The following ACSM4 variants were observed in gnomAD, a reference collection of about 807,000 sequenced individuals.
ACSM4 encodes acyl-CoA synthetase medium chain family member 4, also known as acyl-coenzyme A synthetase ACSM4, mitochondrial.
Under a neutral mutation model 73.0 loss-of-function variants are expected in ACSM4, and 66 were observed. That is an observed-to-expected ratio of 0.90 (90% confidence interval 0.74 to 1.11). The LOEUF (loss-of-function observed/expected upper bound fraction) is 1.11, where lower values mean the gene tolerates loss of function less well. Ranked by LOEUF, ACSM4 falls within the 50% of genes least tolerant of loss-of-function variation. The pLI is 0.00. For synonymous variants in ACSM4, 222 were observed against 254.0 expected (o/e 0.87, Z 1.20); for missense variants, 645 against 714.4 (o/e 0.90, Z 1.11).
chr12:7,323,172 C>T, intron 7 of ACSM4, 62 bp from the exon 8 acceptor site: 1 of 1,428,410 alleles, frequency 7.0e-7, no homozygotes, highest in East Asian at 2.5e-5. Flanking sequence ...ATTTTCATTG[C>T]CATGATATAG....
intron 5 of ACSM4, among the ~76,000 whole-genome samples, chr12:7,319,219 A>G (rs1393058583): frequency 6.6e-6 from 1 of 152,116 alleles, no homozygotes; most frequent in Non-Finnish European, 1.5e-5. Context: ...TGCACAGTTC[A>G]CAATAGGGTT....
At chr12:7,311,572 T>C (rs1160306124) in intron 3 of ACSM4, among the ~76,000 whole-genome samples, 1 of 152,248 alleles carries the variant, frequency 6.6e-6, no homozygotes, top group East Asian at 1.9e-4. Flanking sequence ...CGTCACCACC[T>C]GAATTATCAT....
At chr12:7,306,068 G>A (rs890652250) in intron 1 of ACSM4, among the ~76,000 whole-genome samples, 7 of 152,130 alleles carry the variant, frequency 4.6e-5, no homozygotes, top group Admixed American at 3.3e-4. Context: ...TTATTTGGAT[G>A]GGAAAGAATC....
At chr12:7,310,361 T>C (rs1946383293) in intron 2 of ACSM4, among the ~76,000 whole-genome samples, 178 bp from the exon 3 acceptor site, 1 of 152,194 alleles carries the variant, frequency 6.6e-6, no homozygotes, top group Non-Finnish European at 1.5e-5. Flanking sequence ...CTGAAGCTAG[T>C]GCTCCAAGGG....
intron 5 of ACSM4, 139 bp downstream of exon 5, chr12:7,318,321 G>C (rs949491366): frequency 9.0e-7 from 1 of 1,112,858 alleles, no homozygotes; most frequent in Middle Eastern, 3.1e-4. Flanking sequence ...AAGTCTCAAG[G>C]GCCTCAGCTT....
intron 3 of ACSM4, among the ~76,000 whole-genome samples, chr12:7,314,749 C>G (rs1946409911): frequency 6.6e-6 from 1 of 152,176 alleles, no homozygotes. Flanking sequence ...TGAAGAAATA[C>G]CCCTCTGTAG....
At chr12:7,306,301 A>G (rs746963909) in intron 1 of ACSM4, among the ~76,000 whole-genome samples, 1 of 152,176 alleles carries the variant, frequency 6.6e-6, no homozygotes, top group Admixed American at 6.5e-5. Context: ...GATTGGCCCA[A>G]CTTTGGTCAA....
intron 9 of ACSM4, 88 bp from the exon 10 acceptor site, chr12:7,324,185 G>T: frequency 6.8e-7 from 1 of 1,472,296 alleles, no homozygotes; most frequent in East Asian, 2.4e-5. Context: ...ATATAAGTAG[G>T]ATGTGTAATG....
intron 2 of ACSM4, among the ~76,000 whole-genome samples, chr12:7,309,474 C>T (rs1331377875): frequency 6.6e-6 from 1 of 152,178 alleles, no homozygotes; most frequent in Non-Finnish European, 1.5e-5. Context: ...TGCACTAATA[C>T]AGTATGCATA....
chr12:7,328,210 T>C lies in ACSM4; in HGVS notation c.1657-77T>C, dbSNP rs1156377544. 1.1e-5 allele frequency: 13 copies of C among 1,141,730 alleles called. No homozygotes were observed. The South Asian group carries it at 1.4e-4, about 12-fold the overall frequency. The allele number at this position is 1,141,730 out of a possible 1,614,324, so 70.7% of individuals were successfully genotyped here. A position where few individuals can be genotyped will look rare whatever the true frequency, so the allele number is the denominator to read the frequency against. On this transcript the variant is annotated intron_variant, in intron 12 of 12. Coordinates refer to ENST00000399422, the MANE Select transcript of ACSM4 (RefSeq NM_001080454.2). ...ACTTTAAAATTCAGTCTGAGTTCCA[T>C]GCAAGCTCCTTCCTATCGCACGGAC...
intron 4 of ACSM4, among the ~76,000 whole-genome samples, 198 bp from the exon 5 acceptor site, chr12:7,317,828 G>C (rs1946432771): frequency 6.6e-6 from 1 of 152,094 alleles, no homozygotes; most frequent in Admixed American, 6.6e-5. Context: ...GCCTCCCACT[G>C]TACTCTCAGA....
intron 11 of ACSM4, 75 bp downstream of exon 11, chr12:7,324,673 A>G (rs1025735599): frequency 6.7e-6 from 10 of 1,483,984 alleles, no homozygotes; most frequent in Non-Finnish European, 8.4e-6. Context: ...GTAAAGGCTG[A>G]ACCAAGAGAG....
rs564555271 is a variant in ACSM4, at chr12:7,315,754, A to G, written c.621-1383A>G. 5.1e-4 allele frequency among the ~76,000 whole-genome samples: 77 copies of G among 152,316 alleles called. No homozygotes were observed. In the South Asian group the frequency reaches 7.5e-3, roughly 15 times the overall value. On this transcript the variant is annotated intron_variant, in intron 3 of 12. Coordinates refer to ENST00000399422, the MANE Select transcript of ACSM4 (RefSeq NM_001080454.2). ...ACAGTAGTTATTTTATTTGCTCATG[A>G]GTCCATGGGTCAGAAATTCGCACAG...
At position 7,323,537 on chromosome 12, in the gene ACSM4, T is replaced by C; in HGVS notation, c.1285T>C (p.Phe429Leu). Residue 429 changes from phenylalanine (F) to leucine (L), a missense_variant, in exon 9 of 13, where the codon TTC (phenylalanine) becomes CTC (leucine). Physicochemically the swap from Phe to Leu is conservative, Grantham distance 22. Coordinates refer to ENST00000399422, the MANE Select transcript of ACSM4 (RefSeq NM_001080454.2). The stretch of plus-strand genomic sequence containing the variant: ...CCTCAGACTCAAACCTACACGGCCC[T>C]TCTGTTTCTTCTCTAAATATGTGGT... ...IALRLKPTRP[F>L]CFFSKYVDNP... 1 of 1,613,564 alleles carries C rather than the reference T, an allele frequency of 6.2e-7. No homozygotes were observed. The highest frequency in any genetic ancestry group is 1.3e-5 in the African/African-American group (1 of 75,054).
At chr12:7,313,660 G>A (rs1284082674) in intron 3 of ACSM4, among the ~76,000 whole-genome samples, 1 of 152,158 alleles carries the variant, frequency 6.6e-6, no homozygotes, top group Non-Finnish European at 1.5e-5. Flanking sequence ...GTCCTGTGGG[G>A]TCCAGGACTC....
intron 1 of ACSM4, among the ~76,000 whole-genome samples, chr12:7,306,079 T>C (rs1230147374): frequency 6.6e-6 from 1 of 152,176 alleles, no homozygotes; most frequent in African/African-American, 2.4e-5. Context: ...GGAAAGAATC[T>C]AATTTAAGCA....
intron 2 of ACSM4, among the ~76,000 whole-genome samples, chr12:7,309,842 G>C (rs1946380539): frequency 6.6e-6 from 1 of 152,174 alleles, no homozygotes. Context: ...AGAATACAGT[G>C]GTATGATCTT....
At chr12:7,324,863 A>G (rs888872311) in intron 11 of ACSM4, among the ~76,000 whole-genome samples, 1 of 152,048 alleles carries the variant, frequency 6.6e-6, no homozygotes, top group African/African-American at 2.4e-5. Context: ...TGGCTCATAT[A>G]AGTGACAAGT....
intron 1 of ACSM4, among the ~76,000 whole-genome samples, chr12:7,306,179 C>T (rs961216983): frequency 6.6e-6 from 1 of 152,228 alleles, no homozygotes; most frequent in African/African-American, 2.4e-5. Flanking sequence ...GGAATCAGGA[C>T]AGCTCTCTGA....
Sources: gnomAD v4.1 joint callset for allele counts (sites outside exome capture counted in the v4.1 genomes callset) on GRCh38, gnomAD v4.1.1 for gene constraint, MANE v1.5 for transcripts, NCBI Gene and HGNC (gene_info 2026-07-23, HGNC 2026-07-21) for gene names.